Variants in AFF3 observed in about 807,000 individuals in gnomAD.
AFF3 encodes the protein ALF transcription elongation factor 3, also known as AF4/FMR2 family member 3.
Under a neutral mutation model 129.7 loss-of-function variants are expected in AFF3, and 32 were observed. That is an observed-to-expected ratio of 0.25 (90% confidence interval 0.19 to 0.33). AFF3 has a LOEUF of 0.33. Among genes scored for constraint, AFF3 ranks in the 10% least tolerant of loss-of-function variants. The pLI is 1.00. For synonymous variants in AFF3, 644 were observed against 635.4 expected (o/e 1.01, Z -0.20); for missense variants, 1,373 against 1,592.0 (o/e 0.86, Z 2.34).
Position 99,587,150 on chromosome 2 carries a change from G to A in AFF3, c.2591+4C>T, listed in dbSNP as rs367879177. ...CACTTCCACTTTGGAGGGAATGCAC[G>A]TACCTGTTGATGTTCATGTTGCAGT... is the stretch of plus-strand genomic sequence containing the variant. On this transcript the variant is annotated splice_donor_region_variant and intron_variant, in intron 16 of 24. Transcript: ENST00000672756. 52 of 1,614,016 alleles carry A rather than the reference G, an allele frequency of 3.2e-5. No homozygotes were observed. In the African/African-American group the frequency reaches 5.3e-4, roughly 17 times the overall value.
chr2:99,707,967 A>G (rs1677559266), intron 11 of AFF3, among the ~76,000 whole-genome samples: 1 of 152,170 alleles, frequency 6.6e-6, no homozygotes, highest in Non-Finnish European at 1.5e-5. Context: ...GGACTGGACT[A>G]CAGTCTCTAT....
At chr2:99,961,091 A>G (rs1677169333) in intron 7 of AFF3, among the ~76,000 whole-genome samples, 1 of 152,150 alleles carries the variant, frequency 6.6e-6, no homozygotes. Context: ...AGCTTCAGTC[A>G]TCATGTGTCA....
intron 10 of AFF3, among the ~76,000 whole-genome samples, chr2:99,743,680 C>T (rs536714317): frequency 2.6e-5 from 4 of 152,148 alleles, no homozygotes; most frequent in African/African-American, 9.7e-5. Context: ...AGTACATATA[C>T]CCAGCCGGTT....
intron 13 of AFF3, among the ~76,000 whole-genome samples, chr2:99,630,097 G>A (rs985184495): frequency 3.3e-5 from 5 of 152,190 alleles, no homozygotes; most frequent in African/African-American, 1.2e-4. Flanking sequence ...TCATGGAAGG[G>A]TGAGCTCAGG....
intron 7 of AFF3, among the ~76,000 whole-genome samples, chr2:99,959,620 C>T (rs959996629): frequency 6.6e-6 from 1 of 150,468 alleles, no homozygotes; most frequent in Admixed American, 6.7e-5. Context: ...TCCTTTTAGT[C>T]CAGCACATTG....
rs1691208805 is a variant in AFF3, at chr2:100,105,393, C to A, written c.-65+111G>T. 2.3e-5 allele frequency: 30 copies of A among 1,287,904 alleles called. No individual in the cohort carries two copies. In the South Asian group the frequency reaches 3.2e-4, roughly 14 times the overall value. The allele number at this position is 1,287,904 out of a possible 1,614,324, so 79.8% of individuals were successfully genotyped here. A position where few individuals can be genotyped will look rare whatever the true frequency, so the allele number is the denominator to read the frequency against. The stretch of plus-strand genomic sequence containing the variant: ...AAATAAAGCGGCGGCGCGGAGGAAA[C>A]CTCTTCCACCCGGACCTGCTCTCCG... On this transcript the variant is annotated intron_variant, in intron 3 of 24. Transcript: ENST00000672756.
intron 7 of AFF3, among the ~76,000 whole-genome samples, chr2:99,969,639 C>T (rs939395536): frequency 6.6e-6 from 1 of 152,000 alleles, no homozygotes; most frequent in Non-Finnish European, 1.5e-5. Flanking sequence ...CAGGTGCCTG[C>T]CACCCCACCC....
At chr2:99,839,085 C>T (rs11677260) in intron 7 of AFF3, among the ~76,000 whole-genome samples, 8,339 of 152,286 alleles carry the variant, frequency 0.055, 327 homozygotes, top group Non-Finnish European at 0.08. Flanking sequence ...GAAGGCCACA[C>T]AGAGTTACCA....
At chr2:100,048,373 T>C (rs1392037172) in intron 4 of AFF3, among the ~76,000 whole-genome samples, 1 of 152,230 alleles carries the variant, frequency 6.6e-6, no homozygotes, top group East Asian at 1.9e-4. Context: ...GCTTCATTAT[T>C]AGGTTTATAG....
rs569894855 is a variant in AFF3 at position 99,864,249 on chromosome 2, T to C, written c.874-26725A>G. Among the ~76,000 whole-genome samples the C allele has an allele frequency of 3.9e-5, 6 of 152,322 alleles. No individual in the cohort carries two copies. In the East Asian group the frequency reaches 1.2e-3, roughly 29 times the overall value. On this transcript the variant is annotated intron_variant, in intron 7 of 24. Transcript: ENST00000672756. ...GTCTATTCTCTGGGACTGTCACCTT[T>C]ACCAAAGGTGTCTGATCCCACTGGT...
chr2:99,676,533 C>T (rs1013353716), intron 11 of AFF3, among the ~76,000 whole-genome samples: 6 of 152,178 alleles, frequency 3.9e-5, no homozygotes, highest in Admixed American at 2.0e-4. Flanking sequence ...GTGCTAAGCA[C>T]GGGACCTTAC....
At chr2:100,068,366 T>A (rs1202042842) in intron 4 of AFF3, among the ~76,000 whole-genome samples, 2 of 152,216 alleles carry the variant, frequency 1.3e-5, no homozygotes, top group African/African-American at 4.8e-5. Flanking sequence ...GAAACAGCCA[T>A]AGCTTCTGAT....
At chr2:99,933,123 A>G (rs1674193683) in intron 7 of AFF3, among the ~76,000 whole-genome samples, 1 of 152,126 alleles carries the variant, frequency 6.6e-6, no homozygotes, top group African/African-American at 2.4e-5. Flanking sequence ...GCCCTGTGCT[A>G]TTAGTGATGA....
intron 13 of AFF3, among the ~76,000 whole-genome samples, chr2:99,637,459 A>G (rs1683771329): frequency 6.6e-6 from 1 of 152,128 alleles, no homozygotes; most frequent in South Asian, 2.1e-4. Flanking sequence ...CACATATATC[A>G]TTTGTTGCGT....
At chr2:100,055,635 G>T (rs1686708463) in intron 4 of AFF3, among the ~76,000 whole-genome samples, 1 of 152,126 alleles carries the variant, frequency 6.6e-6, no homozygotes, top group South Asian at 2.1e-4. Flanking sequence ...CTAGGCCAGA[G>T]ATCAGCAAAC....
intron 8 of AFF3, 105 bp downstream of exon 8, chr2:99,837,372 T>C (rs765198069): frequency 1.9e-4 from 209 of 1,125,498 alleles, no homozygotes; most frequent in Admixed American, 6.1e-4. Context: ...AAGGTAAATG[T>C]CAAACCACAG....
chr2:99,565,675 T>G (rs1448676840), intron 19 of AFF3, 52 bp from the exon 20 acceptor site: 1 of 1,582,866 alleles, frequency 6.3e-7, no homozygotes, highest in Admixed American at 1.7e-5. Flanking sequence ...TTTTTTTAAA[T>G]GGCATTGTCA....
At chr2:99,782,241 C>A (rs1198340830) in intron 8 of AFF3, among the ~76,000 whole-genome samples, 2 of 152,170 alleles carry the variant, frequency 1.3e-5, no homozygotes, top group Non-Finnish European at 2.9e-5. Flanking sequence ...TAAAGGTAGA[C>A]CCTACCAAAA....
intron 7 of AFF3, among the ~76,000 whole-genome samples, chr2:99,957,029 C>A (rs1010659638): frequency 5.3e-5 from 8 of 152,192 alleles, no homozygotes; most frequent in African/African-American, 1.9e-4. Flanking sequence ...AGGCCTTGTG[C>A]TAAAGCCTTG....
Sources: allele counts gnomAD v4.1 joint callset (sites outside exome capture counted in the v4.1 genomes callset), GRCh38; gene constraint gnomAD v4.1.1; transcripts MANE v1.5; gene names NCBI Gene and HGNC (gene_info 2026-07-23, HGNC 2026-07-21).